CADM2: variants seen among roughly 807,000 people sequenced by gnomAD.
CADM2 encodes the protein cell adhesion molecule 2.
Under a neutral mutation model 49.8 loss-of-function variants are expected in CADM2, and 12 were observed. The observed-to-expected ratio is 0.24, with a 90% CI of 0.15 to 0.39. CADM2 has a LOEUF of 0.39. Among genes scored for constraint, CADM2 ranks in the 10% least tolerant of loss-of-function variants. The pLI, the probability that CADM2 is intolerant of heterozygous loss-of-function variation, is 1.00. For missense variants in CADM2, 378 were observed against 492.3 expected (o/e 0.77, Z 2.20); for synonymous variants, 214 against 175.4 (o/e 1.22, Z -1.74).
At chr3:85,273,520 G>T (rs2043290445) in intron 1 of CADM2, among the ~76,000 whole-genome samples, 1 of 151,236 alleles carries the variant, frequency 6.6e-6, no homozygotes, top group African/African-American at 2.4e-5. Flanking sequence ...TTTTGAATAT[G>T]CTGCAATAGG....
intron 1 of CADM2, among the ~76,000 whole-genome samples, chr3:85,637,369 G>T (rs901831716): frequency 6.6e-6 from 1 of 151,326 alleles, no homozygotes; most frequent in Non-Finnish European, 1.5e-5. Flanking sequence ...TTGGGAGGCC[G>T]AGGCGGGTGG....
At chr3:85,113,686 G>GTTTTT (rs5850669) in intron 1 of CADM2, among the ~76,000 whole-genome samples, 2 of 136,578 alleles carry the variant, frequency 1.5e-5, no homozygotes, top group Admixed American at 7.4e-5. Flanking sequence ...TTATTCATTC[G>GTTTTT]TTTTTTTTTT....
chr3:84,974,248 T>C (rs2031664923), intron 1 of CADM2, among the ~76,000 whole-genome samples: 1 of 151,650 alleles, frequency 6.6e-6, no homozygotes, highest in African/African-American at 2.4e-5. Flanking sequence ...TATATATATA[T>C]ACTTTGGAAA....
At chr3:85,791,554 G>A (rs1368191137) in intron 2 of CADM2, among the ~76,000 whole-genome samples, 2 of 151,138 alleles carry the variant, frequency 1.3e-5, no homozygotes, top group South Asian at 2.1e-4. Context: ...AAGAGAGAGA[G>A]AGAGAGAGAG....
In CADM2 at chr3:85,290,773, C is replaced by G. The variant is rs570406091; in HGVS notation, c.61+331105C>G. Among the ~76,000 whole-genome samples the G allele has an allele frequency of 3.9e-5, 6 of 152,264 alleles. No individual in the cohort carries two copies. In the East Asian group the frequency reaches 1.2e-3, roughly 29 times the overall value. On this transcript the variant is annotated intron_variant, in intron 1 of 9. Transcript: ENST00000383699. ...TAACAAACAGAAGGGACATCCACAC[C>G]AAAAACCCATCTGTACATCACCATC...
At chr3:85,758,830 G>T (rs933472509) in intron 2 of CADM2, among the ~76,000 whole-genome samples, 1 of 151,908 alleles carries the variant, frequency 6.6e-6, no homozygotes, top group Non-Finnish European at 1.5e-5. Flanking sequence ...TGGCTTGACT[G>T]TTTAAAAGCT....
intron 1 of CADM2, among the ~76,000 whole-genome samples, chr3:85,636,748 T>C (rs1224118366): frequency 2.0e-5 from 3 of 152,218 alleles, no homozygotes; most frequent in African/African-American, 7.2e-5. Context: ...TCTGTTTTGA[T>C]ATTTTTAAAT....
intron 2 of CADM2, among the ~76,000 whole-genome samples, chr3:85,747,738 C>T (rs2068676590): frequency 6.6e-6 from 1 of 152,082 alleles, no homozygotes; most frequent in Non-Finnish European, 1.5e-5. Context: ...AATTTATGAA[C>T]ATTTAGAATC....
At chr3:85,680,143 G>T (rs780131405) in intron 1 of CADM2, among the ~76,000 whole-genome samples, 1 of 151,888 alleles carries the variant, frequency 6.6e-6, no homozygotes, top group South Asian at 2.1e-4. Flanking sequence ...GAATACTTTT[G>T]ATTCATTCCA....
intron 1 of CADM2, among the ~76,000 whole-genome samples, chr3:85,142,598 C>G (rs1198673443): frequency 1.3e-5 from 2 of 152,132 alleles, no homozygotes; most frequent in Non-Finnish European, 2.9e-5. Flanking sequence ...TATAGACTTA[C>G]AGCATTATGA....
intron 1 of CADM2, among the ~76,000 whole-genome samples, chr3:85,175,111 A>G (rs1360210129): frequency 1.3e-5 from 2 of 152,222 alleles, no homozygotes; most frequent in Admixed American, 1.3e-4. Context: ...AACTGTAAAA[A>G]CAATACATAA....
At chr3:85,414,711 C>A (rs142630783) in intron 1 of CADM2, among the ~76,000 whole-genome samples, 1 of 152,252 alleles carries the variant, frequency 6.6e-6, no homozygotes, top group African/African-American at 2.4e-5. Context: ...ACCAGCTCCC[C>A]CAAGGATTTT....
intron 1 of CADM2, among the ~76,000 whole-genome samples, chr3:85,495,802 G>A (rs964724096): frequency 2.6e-5 from 4 of 152,002 alleles, no homozygotes; most frequent in Non-Finnish European, 4.4e-5. Flanking sequence ...CAGTAACAGA[G>A]TGAGGAGTCA....
At chr3:85,876,037 C>T (rs1326495253) in intron 3 of CADM2, among the ~76,000 whole-genome samples, 2 of 152,102 alleles carry the variant, frequency 1.3e-5, no homozygotes, top group Non-Finnish European at 2.9e-5. Context: ...AAGGCTGACA[C>T]CCCGTGGTTG....
At chr3:85,056,415 G>T (rs1253360754) in intron 1 of CADM2, among the ~76,000 whole-genome samples, 1 of 151,974 alleles carries the variant, frequency 6.6e-6, no homozygotes, top group Admixed American at 6.6e-5. Flanking sequence ...TGTATCTAAT[G>T]TTTTCAATTA....
At chr3:85,352,788 G>T (rs1227256700) in intron 1 of CADM2, among the ~76,000 whole-genome samples, 1 of 152,070 alleles carries the variant, frequency 6.6e-6, no homozygotes, top group East Asian at 1.9e-4. Flanking sequence ...ATCCAACCTA[G>T]CTTTTCAAAT....
intron 1 of CADM2, among the ~76,000 whole-genome samples, chr3:85,101,605 T>G (rs1181297618): frequency 6.6e-6 from 1 of 152,216 alleles, no homozygotes; most frequent in Non-Finnish European, 1.5e-5. Flanking sequence ...GTAATTCATT[T>G]GTCTAATCAA....
intron 1 of CADM2, among the ~76,000 whole-genome samples, chr3:85,547,187 G>T (rs1297903124): frequency 6.6e-6 from 1 of 151,780 alleles, no homozygotes; most frequent in African/African-American, 2.4e-5. Flanking sequence ...CATTTTTTCA[G>T]GCTGGTGATA....
At chr3:85,271,954 C>A (rs2043252887) in intron 1 of CADM2, among the ~76,000 whole-genome samples, 1 of 151,150 alleles carries the variant, frequency 6.6e-6, no homozygotes, top group Admixed American at 6.6e-5. Context: ...ATTCTTCTGT[C>A]ATATCTCTGA....
Sources: allele counts gnomAD v4.1 joint callset (sites outside exome capture counted in the v4.1 genomes callset), GRCh38; gene constraint gnomAD v4.1.1; transcripts MANE v1.5; gene names NCBI Gene and HGNC (gene_info 2026-07-23, HGNC 2026-07-21).